The following RELN variants were observed in gnomAD, a reference collection of about 807,000 sequenced individuals.
RELN encodes reelin.
RELN carries 108 observed loss-of-function variants against 427.6 expected under a neutral mutation model. That is an observed-to-expected ratio of 0.25 (90% CI 0.22 to 0.30). The LOEUF (loss-of-function observed/expected upper bound fraction) is 0.30, where lower values mean the gene tolerates loss of function less well. RELN is among the 10% of genes least tolerant of loss of function. The probability of loss-of-function intolerance (pLI) is 1.00; values close to 1 mark genes in which losing one functional copy is unlikely to be tolerated. For synonymous variants in RELN, 1,524 were observed against 1,513.4 expected (o/e 1.01, Z -0.16); for missense variants, 3,715 against 4,302.8 (o/e 0.86, Z 3.82).
At chr7:103,698,680 TTTTTA>T (rs1428693933) in intron 9 of RELN, among the ~76,000 whole-genome samples, 2 of 151,974 alleles carry the variant, frequency 1.3e-5, no homozygotes, top group African/African-American at 4.8e-5. Flanking sequence ...GCCCAGCTAA[TTTTTA>T]TTTTTATTTT....
chr7:103,799,707 C>A lies in RELN; in HGVS notation c.474-23080G>T, dbSNP rs78231881. Among the ~76,000 whole-genome samples the A allele has an allele frequency of 3.3e-5, 5 of 152,298 alleles. No homozygotes were observed. The East Asian group carries it at 9.7e-4, about 29-fold the overall frequency. ...GCTGCTCACTGTAACTTTGACTCTT[C>A]TTTCATGGCATTTGTCACAGTTATA... On this transcript the variant is annotated intron_variant, in intron 3 of 64. Transcript: ENST00000428762.
Position 103,784,592 on chromosome 7 carries a change from G to A in RELN, c.474-7965C>T, listed in dbSNP as rs547221305. Among the ~76,000 whole-genome samples, 24 of 151,942 alleles carry A rather than the reference G, an allele frequency of 1.6e-4. No homozygotes were observed. The South Asian group carries it at 1.9e-3, about 12-fold the overall frequency. On this transcript the variant is annotated intron_variant, in intron 3 of 64. Transcript: ENST00000428762. Reference sequence around the variant, plus strand: ...TAATGGATCCTTGATTATGAATAACGGCAAAAAGGATACATAATTTTTTCT... The same window carrying A: ...TAATGGATCCTTGATTATGAATAACAGCAAAAAGGATACATAATTTTTTCT...
intron 6 of RELN, among the ~76,000 whole-genome samples, chr7:103,740,410 G>A (rs999831626): frequency 1.3e-5 from 2 of 152,022 alleles, no homozygotes; most frequent in African/African-American, 4.8e-5. Flanking sequence ...TACTTTTACT[G>A]CTTATATTTT....
chr7:103,718,452 T>G (rs1432311486), intron 8 of RELN, among the ~76,000 whole-genome samples: 2 of 152,062 alleles, frequency 1.3e-5, no homozygotes, highest in Non-Finnish European at 2.9e-5. Context: ...AAATAATAGA[T>G]TCTAGTTAGC....
chr7:103,577,762 G>T lies in RELN; in HGVS notation c.4146-2057C>A, dbSNP rs537122085. On this transcript the variant is annotated intron_variant, in intron 28 of 64. Coordinates refer to ENST00000428762, the MANE Select transcript of RELN (RefSeq NM_005045.4). ...GCCGCTTCCAAAAGATAGACTGCAT[G>T]TCTGTGATAAATGAGGAAAACATGC... 1.2e-4 allele frequency among the ~76,000 whole-genome samples: 19 copies of T among 152,306 alleles called. No homozygotes were observed. In the South Asian group the frequency reaches 2.7e-3, roughly 22 times the overall value.
intron 2 of RELN, among the ~76,000 whole-genome samples, chr7:103,849,612 A>G (rs557411776): frequency 3.9e-5 from 6 of 152,320 alleles, no homozygotes; most frequent in African/African-American, 1.4e-4. Flanking sequence ...CTCTGTCAAG[A>G]TGAGACTGTA....
At chr7:103,559,313 T>A (rs1830591375) in intron 36 of RELN, among the ~76,000 whole-genome samples, 1 of 152,198 alleles carries the variant, frequency 6.6e-6, no homozygotes, top group African/African-American at 2.4e-5. Context: ...TAATGCCAAA[T>A]GTAGAATTTG....
intron 42 of RELN, among the ~76,000 whole-genome samples, chr7:103,543,836 T>C (rs990054170): frequency 5.3e-5 from 8 of 152,310 alleles, no homozygotes; most frequent in African/African-American, 1.9e-4. Context: ...ATACACTCTG[T>C]TGTGCAGCCA....
intron 10 of RELN, among the ~76,000 whole-genome samples, chr7:103,688,948 A>G (rs1207667410): frequency 6.6e-6 from 1 of 152,150 alleles, no homozygotes; most frequent in Admixed American, 6.5e-5. Context: ...TATCAATAGT[A>G]AAGGTAGTAA....
chr7:103,906,559 G>A (rs1795209869), intron 2 of RELN, among the ~76,000 whole-genome samples: 1 of 151,886 alleles, frequency 6.6e-6, no homozygotes, highest in African/African-American at 2.4e-5. Flanking sequence ...TCCTCTCTCT[G>A]CTCATGATTC....
rs1008627080 is a variant in RELN, at chr7:103,874,878, A to G, written c.338-41206T>C. ...ACTACTTTAAAGTTCATATGGAACC[A>G]AAAAAGAGCCTGCATTGCCAAGTCA... On this transcript the variant is annotated intron_variant, in intron 2 of 64. Coordinates refer to ENST00000428762, the MANE Select transcript of RELN (RefSeq NM_005045.4). Among the ~76,000 whole-genome samples the G allele has an allele frequency of 5.6e-4, 82 of 147,536 alleles. 5 individuals are homozygous for G. Among genetic ancestry groups the G allele is most frequent in the Non-Finnish European group, 1.1e-3 (75 of 66,432 alleles).
intron 6 of RELN, among the ~76,000 whole-genome samples, chr7:103,738,057 C>T (rs1305705363): frequency 6.6e-6 from 1 of 150,558 alleles, no homozygotes; most frequent in African/African-American, 2.5e-5. Context: ...AGTAGGACAT[C>T]TCTGCTATTA....
intron 11 of RELN, among the ~76,000 whole-genome samples, chr7:103,675,392 A>C (rs1347444675): frequency 6.6e-6 from 1 of 152,226 alleles, no homozygotes; most frequent in Non-Finnish European, 1.5e-5. Context: ...AAAAGAGGAC[A>C]CAAACAAATG....
intron 11 of RELN, among the ~76,000 whole-genome samples, chr7:103,673,172 A>G (rs1363734572): frequency 6.6e-6 from 1 of 151,882 alleles, no homozygotes; most frequent in Non-Finnish European, 1.5e-5. Flanking sequence ...TTTTCTATTT[A>G]CCCTGTATTT....
intron 1 of RELN, among the ~76,000 whole-genome samples, chr7:103,943,983 T>G (rs1796168611): frequency 2.6e-5 from 4 of 152,074 alleles, no homozygotes; most frequent in Non-Finnish European, 5.9e-5. Context: ...GGTTTAATGC[T>G]TCAGCACCAC....
chr7:103,745,077 G>A (rs1226239926), intron 6 of RELN, among the ~76,000 whole-genome samples: 1 of 152,068 alleles, frequency 6.6e-6, no homozygotes, highest in African/African-American at 2.4e-5. Context: ...ATGATCAAGT[G>A]GGCTTCATCC....
Position 103,545,133 on chromosome 7 carries a change from C to A in RELN, c.6514G>T (p.Asp2172Tyr). 3 of 1,613,142 alleles carry A rather than the reference C, an allele frequency of 1.9e-6. No individual in the cohort carries two copies. In the South Asian group the frequency reaches 3.3e-5, roughly 18 times the overall value. Residue 2172 changes from aspartate (D) to tyrosine (Y), a missense_variant, in exon 42 of 65, where the codon GAT (aspartate) becomes TAT (tyrosine). This residue lies in a region of RELN where 1,310 missense variants were observed against 1,643.0 expected (regional missense o/e 0.80). Coordinates refer to ENST00000428762, the MANE Select transcript of RELN (RefSeq NM_005045.4). ...STKNPDFLKD[D>Y]FEGQLESDRF... ...TGTAAGAAAAGACTACCTTCGAAAT[C>A]ATCTTTGAGAAAATCAGGATTTTTG...
In RELN at chr7:103,682,270, G is replaced by A; in HGVS notation, c.1144-9C>T. 1 of 1,613,898 alleles carries A rather than the reference G, an allele frequency of 6.2e-7. No individual in the cohort carries two copies. The highest frequency in any genetic ancestry group is 8.5e-7 in the Non-Finnish European group (1 of 1,179,824). On this transcript the variant is annotated splice_polypyrimidine_tract_variant and intron_variant, in intron 10 of 64. Transcript: ENST00000428762. ...TCTGACTGACAGCTATGCTGTAGGTGAAAAGAGAGCACGGGGTGGCTGTTG... is the reference window on the plus strand; with the variant it reads ...TCTGACTGACAGCTATGCTGTAGGTAAAAAGAGAGCACGGGGTGGCTGTTG...
At chr7:103,936,739 G>GAC (rs1447002077) in intron 1 of RELN, among the ~76,000 whole-genome samples, 1 of 92,082 alleles carries the variant, frequency 1.1e-5, no homozygotes, top group Non-Finnish European at 2.2e-5. Flanking sequence ...CAGACAGACA[G>GAC]ACAGACACAC....
Sources: allele counts gnomAD v4.1 joint callset (sites outside exome capture counted in the v4.1 genomes callset), GRCh38; gene constraint gnomAD v4.1.1; regional missense constraint gnomAD v4.1.1; transcripts MANE v1.5; gene names NCBI Gene and HGNC (gene_info 2026-07-23, HGNC 2026-07-21).